SGMS1: variants seen among roughly 807,000 people sequenced by gnomAD.
SGMS1 encodes the protein sphingomyelin synthase 1.
A neutral mutation model predicts 46.2 loss-of-function variants in SGMS1; 13 were observed. That is an observed-to-expected ratio of 0.28 (90% confidence interval 0.18 to 0.45). SGMS1 has a LOEUF of 0.45. Among genes scored for constraint, SGMS1 ranks in the 20% least tolerant of loss-of-function variants. The pLI, the probability that SGMS1 is intolerant of heterozygous loss-of-function variation, is 1.00. For synonymous variants in SGMS1, 203 were observed against 187.8 expected, an observed-to-expected ratio of 1.08 and a Z score of -0.66; for missense variants, 324 against 519.9, an observed-to-expected ratio of 0.62 and a Z score of 3.66.
At chr10:50,619,634 G>A (rs1339783528) in intron 1 of SGMS1, among the ~76,000 whole-genome samples, 1 of 152,164 alleles carries the variant, frequency 6.6e-6, no homozygotes, top group Non-Finnish European at 1.5e-5. Context: ...TGGAATGTGA[G>A]CTCAGCTCTC....
intron 1 of SGMS1, among the ~76,000 whole-genome samples, chr10:50,605,269 C>G (rs1256826618): frequency 6.6e-6 from 1 of 152,188 alleles, no homozygotes; most frequent in Admixed American, 6.5e-5. Flanking sequence ...CAAACACAGC[C>G]TGTAGCTCAG....
In SGMS1 at chr10:50,307,356, C is replaced by G; in HGVS notation, c.1063-35G>C. ...CAAAGAAACATAAACACATTTCTTA[C>G]AATCTTTCACTTTAAGTTCAAATAC... On this transcript the variant is annotated intron_variant, in intron 10 of 10. Transcript: ENST00000361781. The surrounding 1 kb of genome is among the most constrained non-coding windows in gnomAD (Gnocchi z 4.2). 3 of 1,582,958 alleles carry G rather than the reference C, an allele frequency of 1.9e-6. No homozygotes were observed. The highest frequency in any genetic ancestry group is 1.1e-5 in the South Asian group (1 of 88,192).
At chr10:50,603,283 T>C (rs1173511638) in intron 1 of SGMS1, among the ~76,000 whole-genome samples, 1 of 152,222 alleles carries the variant, frequency 6.6e-6, no homozygotes, top group African/African-American at 2.4e-5. Context: ...ATCCATTGGT[T>C]CCATTGCTGG....
intron 6 of SGMS1, among the ~76,000 whole-genome samples, chr10:50,390,064 A>T (rs941163408): frequency 2.2e-4 from 34 of 152,214 alleles, no homozygotes; most frequent in African/African-American, 8.2e-4. Context: ...CTTTTTCCAA[A>T]GCAACTTCAT....
At chr10:50,569,138 A>G (rs949689718) in intron 2 of SGMS1, among the ~76,000 whole-genome samples, 4 of 150,262 alleles carry the variant, frequency 2.7e-5, no homozygotes, top group East Asian at 2.0e-4. Context: ...AACATCACAC[A>G]CTGGGGCCTG....
chr10:50,488,439 T>C (rs1279772578), intron 3 of SGMS1, among the ~76,000 whole-genome samples: 1 of 152,220 alleles, frequency 6.6e-6, no homozygotes, highest in Admixed American at 6.5e-5. Context: ...ACGATATGCA[T>C]ATAAATCAGA....
chr10:50,592,198 A>G (rs1210771673), intron 1 of SGMS1, among the ~76,000 whole-genome samples: 1 of 152,234 alleles, frequency 6.6e-6, no homozygotes, highest in South Asian at 2.1e-4. Flanking sequence ...AGCTAAAGAA[A>G]AATAAACATG....
chr10:50,462,586 CA>C lies in SGMS1; in HGVS notation c.-454-1773del, dbSNP rs541957846. Among the ~76,000 whole-genome samples the C allele has an allele frequency of 1.6e-4, 25 of 152,162 alleles. No homozygotes were observed. In the East Asian group the frequency reaches 4.6e-3, roughly 28 times the overall value. On this transcript the variant is annotated intron_variant, in intron 4 of 10. Coordinates refer to ENST00000361781, the MANE Select transcript of SGMS1 (RefSeq NM_147156.4). ...AATTATTTCTAGAGGTTGGATGTCACAATAGGAAATATGAGAAACCATTTTA... is the reference window on the plus strand; with the variant it reads ...AATTATTTCTAGAGGTTGGATGTCACATAGGAAATATGAGAAACCATTTTA...
intron 6 of SGMS1, among the ~76,000 whole-genome samples, chr10:50,420,771 A>G (rs1564908947): frequency 6.6e-6 from 1 of 152,216 alleles, no homozygotes; most frequent in Non-Finnish European, 1.5e-5. Flanking sequence ...ACTGCAGTCT[A>G]AAAAATACAA....
chr10:50,574,895 A>C (rs928369734), intron 2 of SGMS1, among the ~76,000 whole-genome samples: 5 of 149,874 alleles, frequency 3.3e-5, no homozygotes, highest in Non-Finnish European at 7.4e-5. Context: ...CTCACTATGT[A>C]TCCCATAAGT....
intron 2 of SGMS1, among the ~76,000 whole-genome samples, chr10:50,562,958 A>G (rs918334301): frequency 6.6e-6 from 1 of 152,150 alleles, no homozygotes; most frequent in Non-Finnish European, 1.5e-5. Flanking sequence ...CGATCTGGTC[A>G]CTGTTTTGGT....
intron 2 of SGMS1, among the ~76,000 whole-genome samples, chr10:50,586,438 T>C (rs943653918): frequency 1.2e-4 from 19 of 152,250 alleles, no homozygotes; most frequent in Admixed American, 3.3e-4. Context: ...TACCTGTGAA[T>C]TGATAACTAT....
rs1849384981 is a variant in SGMS1, at chr10:50,430,002, A to G, written c.-232+3474T>C. Among the ~76,000 whole-genome samples, 4 of 152,120 alleles carry G rather than the reference A, an allele frequency of 2.6e-5. No individual in the cohort carries two copies. The South Asian group carries it at 8.3e-4, about 31-fold the overall frequency. On this transcript the variant is annotated intron_variant, in intron 6 of 10. Transcript: ENST00000361781. Reference sequence around the variant, plus strand: ...CTATTTTCTTTTTCTAGCCCTAATTAGCAGTATTATCTTCTTTTCATTCTA... The same window carrying G: ...CTATTTTCTTTTTCTAGCCCTAATTGGCAGTATTATCTTCTTTTCATTCTA...
chr10:50,541,271 T>G (rs1197786314), intron 2 of SGMS1, among the ~76,000 whole-genome samples: 2 of 152,238 alleles, frequency 1.3e-5, no homozygotes, highest in Non-Finnish European at 2.9e-5. Flanking sequence ...GATGTTACCA[T>G]GTAAGTCTCT....
intron 6 of SGMS1, among the ~76,000 whole-genome samples, chr10:50,385,173 C>T (rs1173521665): frequency 6.6e-6 from 1 of 152,154 alleles, no homozygotes; most frequent in Non-Finnish European, 1.5e-5. Context: ...TGTTGTGTTC[C>T]ACTCTGATCA....
rs189679982 is a variant in SGMS1 at position 50,493,298 on chromosome 10, C to T, written c.-497-26366G>A. On this transcript the variant is annotated intron_variant, in intron 3 of 10. Coordinates refer to ENST00000361781, the MANE Select transcript of SGMS1 (RefSeq NM_147156.4). ...ATTGAAACCGGACCCCTTCCTTACG[C>T]CATATACAAAAATTAACTCAAGATG... Among the ~76,000 whole-genome samples, 259 of 152,226 alleles carry T rather than the reference C, an allele frequency of 1.7e-3. 1 individual carries two copies. Among genetic ancestry groups the T allele is most frequent in the African/African-American group, 6.0e-3 (248 of 41,538 alleles).
chr10:50,437,140 AC>A (rs1849483859), intron 5 of SGMS1, among the ~76,000 whole-genome samples: 1 of 152,248 alleles, frequency 6.6e-6, no homozygotes, highest in African/African-American at 2.4e-5. Context: ...TGGAAAATGT[AC>A]ACTATCCTCA....
At chr10:50,321,789 C>T (rs1315114386) in intron 8 of SGMS1, among the ~76,000 whole-genome samples, 2 of 152,146 alleles carry the variant, frequency 1.3e-5, no homozygotes, top group Admixed American at 6.5e-5. Context: ...AATACTCTAA[C>T]TGCTACTCAG....
At chr10:50,425,338 A>C (rs562254295) in intron 6 of SGMS1, among the ~76,000 whole-genome samples, 14 of 152,368 alleles carry the variant, frequency 9.2e-5, no homozygotes, top group African/African-American at 3.4e-4. Flanking sequence ...AAGACAGGGA[A>C]TCAACCTAGG....
Sources: gnomAD v4.1 joint callset for allele counts (sites outside exome capture counted in the v4.1 genomes callset) on GRCh38, gnomAD v4.1.1 for gene constraint, Gnocchi (gnomAD v3.1) non-coding constraint, MANE v1.5 for transcripts, NCBI Gene and HGNC (gene_info 2026-07-23, HGNC 2026-07-21) for gene names.